Variants in MARCHF8 observed in about 807,000 individuals in gnomAD.
MARCHF8 encodes membrane associated ring-CH-type finger 8.
MARCHF8 carries 40 observed loss-of-function variants against 51.6 expected under a neutral mutation model. The observed-to-expected ratio is 0.77, with a 90% confidence interval of 0.60 to 1.01. The LOEUF (loss-of-function observed/expected upper bound fraction) is 1.01, where lower values mean the gene tolerates loss of function less well. MARCHF8 is among the 50% of genes least tolerant of loss of function. The pLI is 0.00. For missense variants in MARCHF8, 685 were observed against 708.6 expected, an observed-to-expected ratio of 0.97 and a Z score of 0.38; for synonymous variants, 263 against 280.3, an observed-to-expected ratio of 0.94 and a Z score of 0.62.
chr10:45,491,805 G>A (rs1164766786), intron 2 of MARCHF8, among the ~76,000 whole-genome samples: 1 of 152,192 alleles, frequency 6.6e-6, no homozygotes, highest in Non-Finnish European at 1.5e-5. Flanking sequence ...TGGATTATCT[G>A]TACAGAAAGC....
intron 2 of MARCHF8, among the ~76,000 whole-genome samples, chr10:45,522,405 C>A (rs990703458): frequency 6.6e-6 from 1 of 152,102 alleles, no homozygotes; most frequent in Non-Finnish European, 1.5e-5. Context: ...CAGTAAGAAC[C>A]CAAGGTCACA....
intron 2 of MARCHF8, among the ~76,000 whole-genome samples, chr10:45,514,108 C>T (rs1190419463): frequency 6.6e-6 from 1 of 152,222 alleles, no homozygotes; most frequent in Non-Finnish European, 1.5e-5. Context: ...TAAATGCTTA[C>T]TGGCTTAAGA....
At chr10:45,482,030 A>G (rs1306703176) in intron 3 of MARCHF8, among the ~76,000 whole-genome samples, 1 of 152,230 alleles carries the variant, frequency 6.6e-6, no homozygotes, top group Non-Finnish European at 1.5e-5. Flanking sequence ...ATAATGAACT[A>G]GCGGAGAAAG....
At chr10:45,459,844 T>G in intron 6 of MARCHF8, 1 of 985,444 alleles carries the variant, frequency 1.0e-6, no homozygotes, top group Non-Finnish European at 1.2e-6. Flanking sequence ...GCTCATTAAT[T>G]TACTCCAAAT....
At chr10:45,511,234 T>G (rs978983264) in intron 2 of MARCHF8, among the ~76,000 whole-genome samples, 5 of 152,252 alleles carry the variant, frequency 3.3e-5, no homozygotes, top group African/African-American at 1.2e-4. Context: ...ATCTTAATTA[T>G]ACATTAGTAA....
chr10:45,534,106 C>A (rs1484311527), intron 1 of MARCHF8, among the ~76,000 whole-genome samples: 4 of 152,080 alleles, frequency 2.6e-5, no homozygotes, highest in Non-Finnish European at 4.4e-5. Flanking sequence ...TGGCACAAAC[C>A]CAGGAGGCGG....
chr10:45,505,028 T>G (rs1467842848), intron 2 of MARCHF8, among the ~76,000 whole-genome samples: 1 of 152,208 alleles, frequency 6.6e-6, no homozygotes, highest in East Asian at 1.9e-4. Flanking sequence ...TATATACAAT[T>G]AAGCACTTAT....
chr10:45,474,422 G>C (rs1049098418), intron 3 of MARCHF8, among the ~76,000 whole-genome samples: 1 of 151,936 alleles, frequency 6.6e-6, no homozygotes, highest in East Asian at 1.9e-4. Context: ...GCTCACAGCA[G>C]AGATGGAAAG....
chr10:45,461,009 G>A (rs530110471), intron 6 of MARCHF8: 2 of 395,672 alleles, frequency 5.1e-6, no homozygotes, highest in South Asian at 1.6e-4. Context: ...TTACTTTGAA[G>A]GGAAAAGAAG....
At chr10:45,551,039 C>G (rs2044188401) in intron 1 of MARCHF8, among the ~76,000 whole-genome samples, 1 of 152,034 alleles carries the variant, frequency 6.6e-6, no homozygotes, top group Non-Finnish European at 1.5e-5. Flanking sequence ...TTTTTTAAGG[C>G]AAGACCGGAT....
intron 2 of MARCHF8, among the ~76,000 whole-genome samples, chr10:45,521,055 G>A (rs182167107): frequency 1.2e-3 from 187 of 152,176 alleles, no homozygotes; most frequent in Non-Finnish European, 1.5e-3. Context: ...CTTTAATTAC[G>A]TTACATTTTT....
intron 1 of MARCHF8, among the ~76,000 whole-genome samples, chr10:45,581,660 C>A (rs1201911490): frequency 6.6e-6 from 1 of 152,132 alleles, no homozygotes; most frequent in Non-Finnish European, 1.5e-5. Context: ...TAAACATCTC[C>A]AGAAAACTTG....
chr10:45,535,162 G>A lies in MARCHF8; in HGVS notation c.-79+49C>T, dbSNP rs373204664. On this transcript the variant is annotated intron_variant, in intron 1 of 7. Coordinates refer to ENST00000453424, the MANE Select transcript of MARCHF8 (RefSeq NM_001282866.2). ...GGAGCACTACTGTGCCCAAGAAACA[G>A]TCTGAATGTTTGTATTCAAGCACGT... 5.8e-4 allele frequency: 88 copies of A among 152,348 alleles called. 1 individual carries two copies. Among genetic ancestry groups the A allele is most frequent in the African/African-American group, 2.0e-3 (84 of 41,574 alleles). The allele number at this position is 152,348 out of a possible 1,614,324, so 9.4% of individuals were successfully genotyped here.
chr10:45,462,909 A>G (rs1011770837), intron 5 of MARCHF8, among the ~76,000 whole-genome samples: 5 of 152,224 alleles, frequency 3.3e-5, no homozygotes, highest in African/African-American at 1.2e-4. Flanking sequence ...TACAGGCGTG[A>G]GCCACTGCGC....
chr10:45,520,629 C>A (rs1336936297), intron 2 of MARCHF8, among the ~76,000 whole-genome samples: 2 of 152,164 alleles, frequency 1.3e-5, no homozygotes, highest in Non-Finnish European at 2.9e-5. Context: ...CTCCATCAGG[C>A]GCTTTTCTTA....
upstream of MARCHF8, among the ~76,000 whole-genome samples, chr10:45,536,972 T>C (rs1041032877): frequency 1.3e-5 from 2 of 152,016 alleles, no homozygotes; most frequent in Admixed American, 6.6e-5. Context: ...ACTTTAATTA[T>C]GTTCATAATA....
At chr10:45,496,263 G>A (rs963625646) in intron 2 of MARCHF8, among the ~76,000 whole-genome samples, 2 of 151,948 alleles carry the variant, frequency 1.3e-5, no homozygotes, top group Admixed American at 6.6e-5. Context: ...TATATATTTT[G>A]CATATATATT....
At chr10:45,474,722 C>T (rs149900069) in intron 3 of MARCHF8, among the ~76,000 whole-genome samples, 42 of 152,226 alleles carry the variant, frequency 2.8e-4, no homozygotes, top group African/African-American at 8.2e-4. Flanking sequence ...ACAGAGAACA[C>T]GAATTCAACA....
chr10:45,499,478 C>T (rs2043237451), intron 2 of MARCHF8, among the ~76,000 whole-genome samples: 2 of 152,116 alleles, frequency 1.3e-5, no homozygotes, highest in African/African-American at 4.8e-5. Flanking sequence ...GTTGCCTTTG[C>T]TTTTGGTGTC....
Sources: gnomAD v4.1 joint callset for allele counts (sites outside exome capture counted in the v4.1 genomes callset) on GRCh38, gnomAD v4.1.1 for gene constraint, MANE v1.5 for transcripts, NCBI Gene and HGNC (gene_info 2026-07-23, HGNC 2026-07-21) for gene names.